Variants in VWC2L observed in about 807,000 individuals in gnomAD.
VWC2L encodes the protein von Willebrand factor C domain containing 2 like, also known as von Willebrand factor C domain-containing protein 2-like.
In VWC2L, 10 loss-of-function variants were observed where a neutral mutation model predicts 21.6. The ratio of observed to expected loss-of-function variants is 0.46; its 90% CI spans 0.29 to 0.78. The LOEUF is 0.78. Ranked by LOEUF, VWC2L falls within the 30% of genes least tolerant of loss-of-function variation. VWC2L has a pLI of 0.10. For missense variants in VWC2L, 209 were observed against 277.1 expected (o/e 0.75, Z 1.74); for synonymous variants, 96 against 94.3 (o/e 1.02, Z -0.10).
chr2:214,471,987 T>C (rs973423460), intron 3 of VWC2L, among the ~76,000 whole-genome samples: 10 of 152,206 alleles, frequency 6.6e-5, no homozygotes, highest in African/African-American at 2.2e-4. Flanking sequence ...CCTAAATTTT[T>C]CTCATTTGTC....
At chr2:214,567,746 A>C (rs1690091012) in intron 3 of VWC2L, among the ~76,000 whole-genome samples, 1 of 152,142 alleles carries the variant, frequency 6.6e-6, no homozygotes, top group African/African-American at 2.4e-5. Context: ...CACAGAAAAA[A>C]ATGGTGCTGT....
intron 3 of VWC2L, among the ~76,000 whole-genome samples, chr2:214,529,660 A>C (rs908716220): frequency 6.6e-6 from 1 of 152,178 alleles, no homozygotes; most frequent in Admixed American, 6.6e-5. Flanking sequence ...TTGCAGCTTT[A>C]TATCTAAATT....
intron 3 of VWC2L, among the ~76,000 whole-genome samples, chr2:214,539,413 G>C (rs1409814283): frequency 6.6e-6 from 1 of 152,104 alleles, no homozygotes; most frequent in Non-Finnish European, 1.5e-5. Flanking sequence ...TTGACTGTCA[G>C]TATAGTTATC....
At chr2:214,463,843 T>C (rs1204461778) in intron 3 of VWC2L, among the ~76,000 whole-genome samples, 1 of 152,130 alleles carries the variant, frequency 6.6e-6, no homozygotes, top group Non-Finnish European at 1.5e-5. Flanking sequence ...CTTCATTTTT[T>C]ATTCTTTTTT....
At chr2:214,502,611 G>T (rs1462581288) in intron 3 of VWC2L, among the ~76,000 whole-genome samples, 2 of 152,112 alleles carry the variant, frequency 1.3e-5, no homozygotes, top group Non-Finnish European at 2.9e-5. Flanking sequence ...AGCACAGTTT[G>T]CTGCTAGTTG....
At chr2:214,462,032 G>C (rs1241405442) in intron 3 of VWC2L, among the ~76,000 whole-genome samples, 1 of 152,182 alleles carries the variant, frequency 6.6e-6, no homozygotes, top group East Asian at 1.9e-4. Context: ...GTAGCCCTCT[G>C]TGTAGACACG....
intron 3 of VWC2L, among the ~76,000 whole-genome samples, chr2:214,464,846 C>T (rs770929931): frequency 6.6e-6 from 1 of 152,078 alleles, no homozygotes; most frequent in Non-Finnish European, 1.5e-5. Flanking sequence ...GGCACCCAAG[C>T]CACATGACAG....
Position 214,556,910 on chromosome 2 carries a change from A to G in VWC2L, c.521-18762A>G, listed in dbSNP as rs371486846. Among the ~76,000 whole-genome samples the G allele has an allele frequency of 4.6e-5, 7 of 152,320 alleles. No individual in the cohort carries two copies. In the East Asian group the frequency reaches 1.4e-3, roughly 29 times the overall value. On this transcript the variant is annotated intron_variant, in intron 3 of 3. Coordinates refer to ENST00000312504, the MANE Select transcript of VWC2L (RefSeq NM_001080500.4). ...CCTAAATTATAGCTAACACTTGTAC[A>G]GGGCACACTTCGTGCTGACTATCCT...
intron 2 of VWC2L, among the ~76,000 whole-genome samples, chr2:214,433,140 T>C (rs1015195782): frequency 7.3e-6 from 1 of 136,864 alleles, no homozygotes; most frequent in African/African-American, 2.8e-5. Context: ...AACAGATATA[T>C]TAACTGCTCA....
chr2:214,484,121 C>T (rs139624947), intron 3 of VWC2L, among the ~76,000 whole-genome samples: 19 of 152,232 alleles, frequency 1.2e-4, no homozygotes, highest in African/African-American at 3.1e-4. Flanking sequence ...TATGCGCCTG[C>T]GTGTCTGCTT....
At chr2:214,480,864 C>CAAAAAAAAAAAA (rs59720596) in intron 3 of VWC2L, among the ~76,000 whole-genome samples, 3 of 71,758 alleles carry the variant, frequency 4.2e-5, no homozygotes, top group African/African-American at 1.1e-4. Context: ...TATGCCAAGC[C>CAAAAAAAAAAAA]AAAAAAAAAA....
chr2:214,541,999 T>A (rs1351315818), intron 3 of VWC2L, among the ~76,000 whole-genome samples: 1 of 151,962 alleles, frequency 6.6e-6, no homozygotes, highest in Non-Finnish European at 1.5e-5. Flanking sequence ...GCTGAAGAGC[T>A]GCTGTTGTTT....
intron 3 of VWC2L, among the ~76,000 whole-genome samples, chr2:214,466,840 T>C (rs1203985434): frequency 6.6e-6 from 1 of 152,228 alleles, no homozygotes; most frequent in Non-Finnish European, 1.5e-5. Flanking sequence ...TAATACTGTT[T>C]TAATGTTTTT....
At chr2:214,505,802 A>G (rs747496284) in intron 3 of VWC2L, among the ~76,000 whole-genome samples, 18 of 152,346 alleles carry the variant, frequency 1.2e-4, no homozygotes, top group South Asian at 8.3e-4. Context: ...AAGGACAGAT[A>G]AAGGTATAAA....
At position 214,430,674 on chromosome 2, in the gene VWC2L, T is replaced by G. The variant is rs553737253; in HGVS notation, c.391-5955T>G. ...TTATGTTTTCAACAAAAATGAAATG[T>G]TTTTTGATAGACATGCTGAAAAAAT... On this transcript the variant is annotated intron_variant, in intron 2 of 3. Coordinates refer to ENST00000312504, the MANE Select transcript of VWC2L (RefSeq NM_001080500.4). 1.4e-4 allele frequency among the ~76,000 whole-genome samples: 21 copies of G among 152,294 alleles called. No homozygotes were observed. In the South Asian group the frequency reaches 4.3e-3, roughly 32 times the overall value.
chr2:214,498,139 TGTTTATG>T, intron 3 of VWC2L, among the ~76,000 whole-genome samples: 1 of 152,196 alleles, frequency 6.6e-6, no homozygotes, highest in African/African-American at 2.4e-5. Flanking sequence ...ACCTAGGAGA[TGTTTATG>T]GGCCTGGCCA....
intron 3 of VWC2L, among the ~76,000 whole-genome samples, chr2:214,452,436 TCAATG>T (rs1702973532): frequency 6.6e-6 from 1 of 152,214 alleles, no homozygotes; most frequent in African/African-American, 2.4e-5. Flanking sequence ...GTGGCATGTA[TCAATG>T]GTTCATTCCT....
At chr2:214,486,231 A>G (rs1326410831) in intron 3 of VWC2L, among the ~76,000 whole-genome samples, 1 of 152,190 alleles carries the variant, frequency 6.6e-6, no homozygotes. Context: ...GAGCCATAGA[A>G]AAGTTAAGTG....
chr2:214,553,252 T>G (rs1689822510), intron 3 of VWC2L, among the ~76,000 whole-genome samples: 1 of 152,220 alleles, frequency 6.6e-6, no homozygotes, highest in East Asian at 1.9e-4. Context: ...CTGTAAGATA[T>G]TTGAAGAGAT....
Sources: allele counts gnomAD v4.1 joint callset (sites outside exome capture counted in the v4.1 genomes callset), GRCh38; gene constraint gnomAD v4.1.1; transcripts MANE v1.5; gene names NCBI Gene and HGNC (gene_info 2026-07-23, HGNC 2026-07-21).